Variants in VAC14 observed in about 807,000 individuals in gnomAD.
VAC14 encodes protein VAC14 homolog.
Under a neutral mutation model 85.3 loss-of-function variants are expected in VAC14, and 47 were observed. The observed-to-expected ratio is 0.55, with a 90% CI of 0.44 to 0.70. The LOEUF is 0.70. Among genes scored for constraint, VAC14 ranks in the 30% least tolerant of loss-of-function variants. The pLI is 0.00. For missense variants in VAC14, 861 were observed against 1,004.3 expected, an observed-to-expected ratio of 0.86 and a Z score of 1.93; for synonymous variants, 447 against 430.5, an observed-to-expected ratio of 1.04 and a Z score of -0.47.
chr16:70,699,883 C>T (rs573696455), intron 14 of VAC14: 1 of 152,218 alleles, frequency 6.6e-6, no homozygotes, highest in African/African-American at 2.4e-5. Context: ...AGCGTGGCAC[C>T]CCTGCCCACA....
chr16:70,724,408 C>T (rs746750572), intron 14 of VAC14, among the ~76,000 whole-genome samples: 1 of 152,186 alleles, frequency 6.6e-6, no homozygotes, highest in Non-Finnish European at 1.5e-5. Context: ...GTCATTTTGC[C>T]ATGGACTAGG....
At chr16:70,761,838 G>A (rs2032411581) in intron 12 of VAC14, among the ~76,000 whole-genome samples, 1 of 152,202 alleles carries the variant, frequency 6.6e-6, no homozygotes, top group South Asian at 2.1e-4. Flanking sequence ...CACAACCAAC[G>A]CTAACTGAGC....
At chr16:70,718,343 C>T (rs373879110) in intron 14 of VAC14, among the ~76,000 whole-genome samples, 27 of 152,056 alleles carry the variant, frequency 1.8e-4, no homozygotes, top group East Asian at 1.4e-3. Flanking sequence ...GAGGCCAAGG[C>T]GGGCGGATCA....
chr16:70,736,418 T>G (rs1213474125), intron 13 of VAC14, among the ~76,000 whole-genome samples: 1 of 152,112 alleles, frequency 6.6e-6, no homozygotes, highest in African/African-American at 2.4e-5. Context: ...GAGATTTCAT[T>G]TCTGGCACAA....
chr16:70,693,225 T>TCCACCTGC (rs2053634919), intron 17 of VAC14, among the ~76,000 whole-genome samples: 3 of 152,134 alleles, frequency 2.0e-5, no homozygotes, highest in Non-Finnish European at 4.4e-5. Context: ...CATCTTCCTT[T>TCCACCTGC]CCACCTGCCC....
chr16:70,771,622 T>C (rs1266771494), intron 10 of VAC14: 1 of 152,120 alleles, frequency 6.6e-6, no homozygotes, highest in Non-Finnish European at 1.5e-5. Context: ...GGTCTCACTC[T>C]GTTATCCAGG....
intron 10 of VAC14, among the ~76,000 whole-genome samples, chr16:70,765,028 T>C (rs2032697157): frequency 6.6e-6 from 1 of 152,114 alleles, no homozygotes; most frequent in Admixed American, 6.6e-5. Context: ...CATGTCCTGG[T>C]GGTGGAAGAG....
chr16:70,793,987 G>A (rs1239254472), intron 1 of VAC14, among the ~76,000 whole-genome samples: 1 of 152,148 alleles, frequency 6.6e-6, no homozygotes, highest in Non-Finnish European at 1.5e-5. Context: ...TGAGCATACA[G>A]TGGATCCAAC....
At chr16:70,742,954 T>C (rs1006435294) in intron 13 of VAC14, among the ~76,000 whole-genome samples, 2 of 152,188 alleles carry the variant, frequency 1.3e-5, no homozygotes, top group Non-Finnish European at 2.9e-5. Flanking sequence ...GCTCTGTGTC[T>C]AGCTAAATGC....
At chr16:70,773,809 G>A (rs921236677) in intron 9 of VAC14, among the ~76,000 whole-genome samples, 5 of 152,040 alleles carry the variant, frequency 3.3e-5, no homozygotes, top group African/African-American at 1.2e-4. Flanking sequence ...CTGTTGCCCA[G>A]GCTGGAGTGT....
chr16:70,696,255 G>T (rs886619939), intron 16 of VAC14, among the ~76,000 whole-genome samples: 2 of 152,214 alleles, frequency 1.3e-5, no homozygotes, highest in African/African-American at 4.8e-5. Flanking sequence ...GCTCACACCT[G>T]TAATCCCAGC....
intron 12 of VAC14, among the ~76,000 whole-genome samples, chr16:70,756,601 C>T (rs370339449): frequency 2.1e-4 from 32 of 152,246 alleles, no homozygotes; most frequent in African/African-American, 5.1e-4. Context: ...CCCCTCAAGG[C>T]GCCCCATTCC....
chr16:70,785,401 A>G (rs968333873), intron 3 of VAC14, among the ~76,000 whole-genome samples: 3 of 152,284 alleles, frequency 2.0e-5, no homozygotes, highest in Non-Finnish European at 2.9e-5. Flanking sequence ...TGATGGCGTC[A>G]GCATCATCCC....
intron 12 of VAC14, among the ~76,000 whole-genome samples, chr16:70,749,564 G>A (rs931357478): frequency 8.5e-5 from 13 of 152,330 alleles, no homozygotes; most frequent in African/African-American, 2.2e-4. Flanking sequence ...GCGCTTGTGC[G>A]CACAGACACA....
intron 16 of VAC14, chr16:70,695,898 C>A: frequency 3.0e-6 from 1 of 333,680 alleles, no homozygotes; most frequent in South Asian, 6.9e-5. Context: ...AGCGCTGCAG[C>A]CCGTTGGGGG....
rs778129625 is a variant in VAC14, at chr16:70,800,866, G to A, written c.35C>T (p.Pro12Leu). 2 of 1,605,670 alleles carry A rather than the reference G, an allele frequency of 1.2e-6. No homozygotes were observed. The highest frequency in any genetic ancestry group is 1.7e-4 in the Middle Eastern group (1 of 6,018). ...GTCATTGAGGGCGCGCACGATGTTAGGCGTGAGCGGCGCGAAATCCTTCTC... is the reference window on the plus strand; with the variant it reads ...GTCATTGAGGGCGCGCACGATGTTAAGCGTGAGCGGCGCGAAATCCTTCTC... ...NPEKDFAPLTPNIVRALNDKL... is the reference protein window; with the variant it reads ...NPEKDFAPLTLNIVRALNDKL... The change falls in exon 1 of 19, where the codon CCT (proline) becomes CTT (leucine). Residue 12 changes from proline to leucine, a missense_variant. By Grantham distance (98) the Pro-to-Leu change is moderately conservative. Transcript: ENST00000261776.
intron 14 of VAC14, among the ~76,000 whole-genome samples, chr16:70,719,295 G>T (rs181799985): frequency 6.6e-6 from 1 of 152,204 alleles, no homozygotes; most frequent in Non-Finnish European, 1.5e-5. Context: ...CGGCTTCATG[G>T]ATATGTTTCC....
chr16:70,714,838 G>A (rs568169044), intron 14 of VAC14: 2 of 152,340 alleles, frequency 1.3e-5, no homozygotes, highest in East Asian at 1.9e-4. Context: ...GGTGTTTCAC[G>A]AGACTAATGG....
chr16:70,691,447 C>T (rs759240357), intron 18 of VAC14: 7 of 985,174 alleles, frequency 7.1e-6, no homozygotes, highest in Admixed American at 6.2e-5. Context: ...CAGCAAGGCC[C>T]GGTGTGGCTT....
Sources: gnomAD v4.1 joint callset for allele counts (sites outside exome capture counted in the v4.1 genomes callset) on GRCh38, gnomAD v4.1.1 for gene constraint, MANE v1.5 for transcripts, NCBI Gene and HGNC (gene_info 2026-07-23, HGNC 2026-07-21) for gene names.